UTRN: variants seen among roughly 807,000 people sequenced by gnomAD.
UTRN encodes utrophin.
A neutral mutation model predicts 463.9 loss-of-function variants in UTRN; 283 were observed. The observed-to-expected ratio is 0.61, with a 90% CI of 0.55 to 0.67. The LOEUF is 0.67. Among genes scored for constraint, UTRN ranks in the 30% least tolerant of loss-of-function variants. The pLI, the probability that UTRN is intolerant of heterozygous loss-of-function variation, is 0.00. For synonymous variants in UTRN, 1,442 were observed against 1,431.5 expected, an observed-to-expected ratio of 1.01 and a Z score of -0.17; for missense variants, 3,922 against 4,084.3, an observed-to-expected ratio of 0.96 and a Z score of 1.08.
Position 144,428,902 on chromosome 6 carries a change from C to T in UTRN, c.694+9C>T. 6.4e-7 allele frequency: 1 copy of T among 1,556,754 alleles called. No homozygotes were observed. The highest frequency in any genetic ancestry group is 8.7e-7 in the Non-Finnish European group (1 of 1,142,954). On this transcript the variant is annotated intron_variant, in intron 8 of 74. Coordinates refer to ENST00000367545, the MANE Select transcript of UTRN (RefSeq NM_007124.3). ...GCTGTTAGATCCTGAAGGTATTGTC[C>T]AGTATTTAATTTCCACCTTGATTTT...
At chr6:144,507,558 C>T (rs1286640428) in intron 34 of UTRN, among the ~76,000 whole-genome samples, 1 of 152,112 alleles carries the variant, frequency 6.6e-6, no homozygotes, top group East Asian at 1.9e-4. Context: ...TGGAGGTCCA[C>T]CCCAGACCTG....
At chr6:144,382,910 ATAGGACATGTCAGGCTTATTT>A (rs1227598453) in intron 2 of UTRN, among the ~76,000 whole-genome samples, 1 of 152,128 alleles carries the variant, frequency 6.6e-6, no homozygotes, top group Admixed American at 6.5e-5. Context: ...GATCAGAGTT[ATAGGACATGTCAGGCTTATTT>A]TATCTTATTT....
intron 54 of UTRN, among the ~76,000 whole-genome samples, chr6:144,742,494 G>A (rs1271201632): frequency 6.6e-6 from 1 of 152,178 alleles, no homozygotes; most frequent in Non-Finnish European, 1.5e-5. Context: ...AGAGAAATAG[G>A]AGGGGGGTAA....
chr6:144,586,018 C>T (rs1802430090), intron 51 of UTRN, among the ~76,000 whole-genome samples: 1 of 151,850 alleles, frequency 6.6e-6, no homozygotes, highest in South Asian at 2.1e-4. Flanking sequence ...TTTTAAATTC[C>T]TCTTGAGGAT....
intron 44 of UTRN, among the ~76,000 whole-genome samples, chr6:144,538,926 T>C (rs1797770831): frequency 1.3e-5 from 2 of 152,240 alleles, no homozygotes; most frequent in Non-Finnish European, 2.9e-5. Context: ...GGAATGTCTC[T>C]TTTGTAAACA....
intron 7 of UTRN, 57 bp from the exon 8 acceptor site, chr6:144,428,721 G>A: frequency 3.2e-6 from 3 of 949,996 alleles, no homozygotes; most frequent in Non-Finnish European, 3.1e-6. Flanking sequence ...TTATAACAAT[G>A]CCTACTTTGT....
intron 65 of UTRN, among the ~76,000 whole-genome samples, chr6:144,820,533 G>C (rs1779515188): frequency 6.6e-6 from 1 of 152,026 alleles, no homozygotes. Context: ...ATAGCAAATT[G>C]AAAATTTTTT....
chr6:144,805,971 G>A (rs929523605), intron 65 of UTRN, among the ~76,000 whole-genome samples: 1 of 152,020 alleles, frequency 6.6e-6, no homozygotes, highest in African/African-American at 2.4e-5. Context: ...TGGATTGGGG[G>A]AAAATATCAT....
chr6:144,648,863 A>G (rs1000923056), intron 51 of UTRN, among the ~76,000 whole-genome samples: 4 of 152,228 alleles, frequency 2.6e-5, no homozygotes, highest in Non-Finnish European at 5.9e-5. Flanking sequence ...TCAAATAAAA[A>G]GTATTTATTG....
At chr6:144,712,776 C>T (rs1389929584) in intron 53 of UTRN, among the ~76,000 whole-genome samples, 1 of 152,146 alleles carries the variant, frequency 6.6e-6, no homozygotes, top group Non-Finnish European at 1.5e-5. Flanking sequence ...ATTATTTGTG[C>T]TTGGGAAGAT....
chr6:144,438,919 G>T (rs559849174), intron 12 of UTRN, 24 bp downstream of exon 12: 1 of 1,610,904 alleles, frequency 6.2e-7, no homozygotes, highest in South Asian at 1.1e-5. Context: ...ATATTTCTTC[G>T]ATACCTTATC....
intron 54 of UTRN, among the ~76,000 whole-genome samples, chr6:144,743,430 G>GT (rs1163530895): frequency 1.3e-5 from 2 of 152,070 alleles, no homozygotes; most frequent in East Asian, 1.9e-4. Flanking sequence ...CAAAGGAAGA[G>GT]TTTTTTTTCC....
intron 48 of UTRN, among the ~76,000 whole-genome samples, chr6:144,551,997 C>T (rs957852958): frequency 9.2e-5 from 14 of 152,142 alleles, no homozygotes; most frequent in African/African-American, 3.4e-4. Context: ...TGGCCTTTCC[C>T]CCCATTGCTT....
At chr6:144,319,092 T>C (rs1238986088) in intron 2 of UTRN, among the ~76,000 whole-genome samples, 1 of 151,962 alleles carries the variant, frequency 6.6e-6, no homozygotes, top group Non-Finnish European at 1.5e-5. Context: ...CAAAAATAAA[T>C]TTGCTTAAAA....
intron 2 of UTRN, among the ~76,000 whole-genome samples, chr6:144,385,100 T>G (rs935347103): frequency 6.6e-6 from 1 of 152,190 alleles, no homozygotes; most frequent in African/African-American, 2.4e-5. Context: ...GAGTTATATT[T>G]TATACAGTCC....
At chr6:144,580,651 C>T (rs1192963754) in intron 51 of UTRN, among the ~76,000 whole-genome samples, 1 of 152,144 alleles carries the variant, frequency 6.6e-6, no homozygotes, top group Non-Finnish European at 1.5e-5. Context: ...TCTTTGGAGC[C>T]CTGCAGGAGA....
rs920204489 is a variant in UTRN at position 144,669,675 on chromosome 6, G to A, written c.7480-8731G>A. Among the ~76,000 whole-genome samples, 5 of 151,980 alleles carry A rather than the reference G, an allele frequency of 3.3e-5. No homozygotes were observed. The South Asian group carries it at 1.0e-3, about 31-fold the overall frequency. On this transcript the variant is annotated intron_variant, in intron 51 of 74. Transcript: ENST00000367545. The stretch of plus-strand genomic sequence containing the variant: ...TAGTGATGATTTCTGAGATTTTGGT[G>A]CACCCATCACCCAAGCAGTGTACAC...
chr6:144,752,531 G>T (rs529588316), intron 56 of UTRN, among the ~76,000 whole-genome samples: 1 of 151,974 alleles, frequency 6.6e-6, no homozygotes, highest in Non-Finnish European at 1.5e-5. Context: ...TCTATAATAG[G>T]TTTGCTGAAT....
chr6:144,675,770 G>T (rs532397780), intron 51 of UTRN, among the ~76,000 whole-genome samples: 15 of 152,270 alleles, frequency 9.9e-5, no homozygotes, highest in African/African-American at 3.4e-4. Flanking sequence ...CCTTGAAAGG[G>T]TCTGTGAATT....
Sources: gnomAD v4.1 joint callset for allele counts (sites outside exome capture counted in the v4.1 genomes callset) on GRCh38, gnomAD v4.1.1 for gene constraint, MANE v1.5 for transcripts, NCBI Gene and HGNC (gene_info 2026-07-23, HGNC 2026-07-21) for gene names.